Variants in CHRM3 observed in about 807,000 individuals in gnomAD.
CHRM3 encodes the protein cholinergic receptor muscarinic 3.
In CHRM3, 11 loss-of-function variants were observed where a neutral mutation model predicts 41.8. The observed-to-expected ratio is 0.26, with a 90% confidence interval of 0.17 to 0.44. The LOEUF is 0.44. Among genes scored for constraint, CHRM3 ranks in the 20% least tolerant of loss-of-function variants. The pLI, the probability that CHRM3 is intolerant of heterozygous loss-of-function variation, is 1.00. For synonymous variants in CHRM3, 297 were observed against 301.4 expected (o/e 0.99, Z 0.15); for missense variants, 571 against 745.4 (o/e 0.77, Z 2.72).
chr1:239,413,651 G>T (rs1661281419), intron 1 of CHRM3, among the ~76,000 whole-genome samples: 1 of 152,140 alleles, frequency 6.6e-6, no homozygotes, highest in East Asian at 1.9e-4. Context: ...AAAACTATGG[G>T]ACACAAAATA....
chr1:239,488,395 C>G (rs7549234), intron 1 of CHRM3, among the ~76,000 whole-genome samples: 4,579 of 152,036 alleles, frequency 0.03, 174 homozygotes, highest in African/African-American at 0.086. Flanking sequence ...TAGTAAATCT[C>G]TATTGTGGAA....
chr1:239,611,399 C>A (rs1325515224), intron 3 of CHRM3, among the ~76,000 whole-genome samples: 1 of 149,204 alleles, frequency 6.7e-6, no homozygotes, highest in African/African-American at 2.5e-5. Context: ...CTGACCAAAT[C>A]CAAGGTTTGC....
At chr1:239,604,362 T>C (rs1665984541) in intron 3 of CHRM3, among the ~76,000 whole-genome samples, 1 of 152,158 alleles carries the variant, frequency 6.6e-6, no homozygotes. Context: ...TGCCGTAATA[T>C]TCAATCATTT....
intron 5 of CHRM3, among the ~76,000 whole-genome samples, chr1:239,732,248 C>T (rs844531): frequency 6.6e-6 from 1 of 150,434 alleles, no homozygotes; most frequent in African/African-American, 2.4e-5. Context: ...TAATATCTCA[C>T]TTAGATAAGT....
chr1:239,884,863 C>G (rs1170866329), intron 6 of CHRM3, among the ~76,000 whole-genome samples: 2 of 152,126 alleles, frequency 1.3e-5, no homozygotes, highest in African/African-American at 4.8e-5. Flanking sequence ...GAAAGATAAA[C>G]AGCGAATTCT....
chr1:239,712,901 T>C (rs1184107378), intron 5 of CHRM3, among the ~76,000 whole-genome samples: 1 of 152,208 alleles, frequency 6.6e-6, no homozygotes, highest in African/African-American at 2.4e-5. Context: ...GACATATTTT[T>C]GTCCTTTTAA....
intron 6 of CHRM3, among the ~76,000 whole-genome samples, chr1:239,887,126 TTTC>T (rs1486212814): frequency 6.6e-6 from 1 of 152,198 alleles, no homozygotes; most frequent in East Asian, 1.9e-4. Context: ...GAGAATCCAC[TTTC>T]TTCTTCTTTT....
At chr1:239,669,022 C>T (rs1014968453) in intron 4 of CHRM3, among the ~76,000 whole-genome samples, 22 of 152,238 alleles carry the variant, frequency 1.4e-4, no homozygotes, top group Admixed American at 3.9e-4. Context: ...CTTTTCTGAG[C>T]GACTTCATCC....
intron 6 of CHRM3, among the ~76,000 whole-genome samples, chr1:239,902,847 T>C (rs1449696715): frequency 6.6e-6 from 1 of 152,232 alleles, no homozygotes; most frequent in East Asian, 1.9e-4. Flanking sequence ...CATTTCCCTC[T>C]AATGGTTCTT....
intron 5 of CHRM3, among the ~76,000 whole-genome samples, chr1:239,786,394 C>A (rs567884050): frequency 1.3e-5 from 2 of 152,256 alleles, no homozygotes; most frequent in East Asian, 3.9e-4. Flanking sequence ...CTCATTTAAC[C>A]CTCACAACAT....
intron 1 of CHRM3, among the ~76,000 whole-genome samples, chr1:239,401,140 G>C (rs1257450373): frequency 6.6e-6 from 1 of 152,178 alleles, no homozygotes; most frequent in Non-Finnish European, 1.5e-5. Flanking sequence ...ACCGTGTTAA[G>C]CTACGGATGA....
chr1:239,566,388 T>G (rs191917954), intron 3 of CHRM3, among the ~76,000 whole-genome samples: 8 of 152,294 alleles, frequency 5.3e-5, no homozygotes, highest in Admixed American at 2.0e-4. Flanking sequence ...CACTGGCAAT[T>G]TATCATGGTA....
Position 239,598,140 on chromosome 1 carries a change from G to C in CHRM3, c.-312-34084G>C, listed in dbSNP as rs561666042. Among the ~76,000 whole-genome samples the C allele has an allele frequency of 2.6e-5, 4 of 152,240 alleles. No homozygotes were observed. In the South Asian group the frequency reaches 8.3e-4, roughly 32 times the overall value. On this transcript the variant is annotated intron_variant, in intron 3 of 6. Transcript: ENST00000676153. ...CACAAACGACTACCAGGGCAGGTGA[G>C]GCTCTCCCTCCTCTAGTGCTTTGTA...
intron 1 of CHRM3, among the ~76,000 whole-genome samples, chr1:239,390,700 G>A (rs1160089513): frequency 1.3e-5 from 2 of 151,498 alleles, no homozygotes; most frequent in East Asian, 1.9e-4. Context: ...CCAGGTTCAA[G>A]CAATTCTCTG....
intron 1 of CHRM3, among the ~76,000 whole-genome samples, chr1:239,407,806 G>T (rs1174590190): frequency 6.6e-6 from 1 of 152,094 alleles, no homozygotes; most frequent in East Asian, 1.9e-4. Context: ...AAAAATTAAT[G>T]TAAATGCTCA....
intron 4 of CHRM3, among the ~76,000 whole-genome samples, chr1:239,650,892 C>G (rs192580144): frequency 2.8e-4 from 42 of 152,242 alleles, no homozygotes; most frequent in Admixed American, 5.2e-4. Context: ...TTTGTAGTAT[C>G]ACACATTAAT....
chr1:239,597,662 A>G (rs1344726127), intron 3 of CHRM3, among the ~76,000 whole-genome samples: 1 of 152,012 alleles, frequency 6.6e-6, no homozygotes, highest in Non-Finnish European at 1.5e-5. Context: ...AACTAAATAA[A>G]AAATATTTAA....
At chr1:239,807,580 T>C (rs1558139698) in intron 5 of CHRM3, among the ~76,000 whole-genome samples, 1 of 152,252 alleles carries the variant, frequency 6.6e-6, no homozygotes, top group Non-Finnish European at 1.5e-5. Flanking sequence ...TTAAATAACA[T>C]TCTCAGGCCA....
At chr1:239,579,425 A>AT (rs1368542843) in intron 3 of CHRM3, among the ~76,000 whole-genome samples, 1 of 152,132 alleles carries the variant, frequency 6.6e-6, no homozygotes, top group Non-Finnish European at 1.5e-5. Context: ...AGCATGTGTC[A>AT]TTTTTTCAGA....
Sources: allele counts gnomAD v4.1 joint callset (sites outside exome capture counted in the v4.1 genomes callset), GRCh38; gene constraint gnomAD v4.1.1; transcripts MANE v1.5; gene names NCBI Gene and HGNC (gene_info 2026-07-23, HGNC 2026-07-21).